The following PPP1R21 variants were observed in gnomAD, a reference collection of about 807,000 sequenced individuals.
The protein encoded by PPP1R21 is protein phosphatase 1 regulatory subunit 21, also known as KLRAQ motif containing 1.
A neutral mutation model predicts 112.8 loss-of-function variants in PPP1R21; 85 were observed. That is an observed-to-expected ratio of 0.75 (90% CI 0.63 to 0.90). The LOEUF (loss-of-function observed/expected upper bound fraction) is 0.90. Ranked by LOEUF, PPP1R21 falls within the 40% of genes least tolerant of loss-of-function variation. PPP1R21 has a pLI of 0.00. For missense variants in PPP1R21, 1,199 were observed against 901.5 expected, an observed-to-expected ratio of 1.33 and a Z score of -4.23; for synonymous variants, 381 against 322.3, an observed-to-expected ratio of 1.18 and a Z score of -1.95.
chr2:48,465,625 T>A lies in PPP1R21; in HGVS notation c.880T>A (p.Ser294Thr). 6.2e-7 allele frequency: 1 copy of A among 1,612,052 alleles called. No homozygotes were observed. The highest frequency in any genetic ancestry group is 2.2e-5 in the East Asian group (1 of 44,864). ...TGTTGATTCTGCCATTGACACTATA[T>A]CTCCATTGAATCAGAAGGTAAATTT... ...FPVDSAIDTI[S>T]PLNQKFSQYL... Residue 294 changes from serine to threonine, a missense_variant, in exon 9 of 22, where the codon TCT (serine) becomes ACT (threonine). Transcript: ENST00000294952.
intron 1 of PPP1R21, among the ~76,000 whole-genome samples, chr2:48,449,877 C>A (rs1047679122): frequency 6.6e-6 from 1 of 151,736 alleles, no homozygotes; most frequent in African/African-American, 2.4e-5. Context: ...AGTCTGTAAA[C>A]CTTTTGCTTC....
chr2:48,446,583 TTTGA>T (rs2103737879), intron 1 of PPP1R21, among the ~76,000 whole-genome samples: 1 of 152,316 alleles, frequency 6.6e-6, no homozygotes, highest in East Asian at 1.9e-4. Flanking sequence ...ATTAATTTGA[TTTGA>T]TTAATTTGAT....
chr2:48,444,861 CTT>C (rs397944972), intron 1 of PPP1R21, among the ~76,000 whole-genome samples: 53 of 136,988 alleles, frequency 3.9e-4, no homozygotes, highest in Admixed American at 4.4e-4. Flanking sequence ...TTTTAAAGTT[CTT>C]TTTTTTTTTT....
intron 4 of PPP1R21, among the ~76,000 whole-genome samples, chr2:48,459,496 T>G (rs1667884154): frequency 6.6e-6 from 1 of 152,312 alleles, no homozygotes; most frequent in South Asian, 2.1e-4. Context: ...CAAATCTCAG[T>G]TCTACTATAT....
chr2:48,458,022 C>G (rs745750767), intron 3 of PPP1R21, 104 bp from the exon 4 acceptor site: 2 of 772,232 alleles, frequency 2.6e-6, no homozygotes, highest in South Asian at 2.7e-5. Flanking sequence ...GAATGGTGAA[C>G]ACATAGAAGA....
At chr2:48,483,335 C>T (rs978104949) in intron 13 of PPP1R21, among the ~76,000 whole-genome samples, 1 of 151,420 alleles carries the variant, frequency 6.6e-6, no homozygotes, top group Admixed American at 6.6e-5. Flanking sequence ...GTGTGCGTCA[C>T]CATGCCGGCT....
intron 15 of PPP1R21, among the ~76,000 whole-genome samples, chr2:48,495,123 T>C (rs1463006700): frequency 6.6e-6 from 1 of 152,262 alleles, no homozygotes; most frequent in African/African-American, 2.4e-5. Flanking sequence ...AATGCATTGC[T>C]TTTGCACCAT....
chr2:48,465,454 T>A (rs908795607), intron 8 of PPP1R21, 39 bp from the exon 9 acceptor site: 16 of 1,566,810 alleles, frequency 1.0e-5, no homozygotes, highest in Non-Finnish European at 1.3e-5. Context: ...GGATAATAAT[T>A]TGAGAGTTGA....
At chr2:48,512,360 G>A (rs1042452653) in intron 21 of PPP1R21, among the ~76,000 whole-genome samples, 2 of 147,410 alleles carry the variant, frequency 1.4e-5, no homozygotes, top group Non-Finnish European at 2.9e-5. Context: ...GGCTCACTTA[G>A]TTGGCATCAT....
At chr2:48,512,244 T>G (rs1451175674) in intron 21 of PPP1R21, among the ~76,000 whole-genome samples, 1 of 152,212 alleles carries the variant, frequency 6.6e-6, no homozygotes, top group Non-Finnish European at 1.5e-5. Context: ...ATAGTAGATG[T>G]TGGGCAATAT....
intron 12 of PPP1R21, among the ~76,000 whole-genome samples, chr2:48,476,537 A>G (rs561220133): frequency 2.6e-5 from 4 of 152,280 alleles, no homozygotes; most frequent in East Asian, 1.9e-4. Flanking sequence ...AGTGTTTTAC[A>G]AAGTGCTGTA....
chr2:48,456,733 A>G (rs1391865061), intron 3 of PPP1R21, among the ~76,000 whole-genome samples: 2 of 152,202 alleles, frequency 1.3e-5, no homozygotes, highest in African/African-American at 2.4e-5. Flanking sequence ...CTTATGTATT[A>G]GAATCACTTG....
rs930853181 is a variant in PPP1R21, at chr2:48,489,880, C to T, written c.1447-1138C>T. Reference sequence around the variant, plus strand: ...CCAACATGGTGAAACCCCGTCTCTACTAAAAGTACAAAAATTAGCTGGGAC... The same window carrying T: ...CCAACATGGTGAAACCCCGTCTCTATTAAAAGTACAAAAATTAGCTGGGAC... On this transcript the variant is annotated intron_variant, in intron 14 of 21. Transcript: ENST00000294952. Among the ~76,000 whole-genome samples, 22 of 151,974 alleles carry T rather than the reference C, an allele frequency of 1.4e-4. 1 individual carries two copies. Among genetic ancestry groups the T allele is most frequent in the Admixed American group, 7.9e-4 (12 of 15,258 alleles).
intron 12 of PPP1R21, among the ~76,000 whole-genome samples, chr2:48,478,986 G>C (rs1256088644): frequency 6.6e-6 from 1 of 152,158 alleles, no homozygotes; most frequent in Non-Finnish European, 1.5e-5. Flanking sequence ...CCCCTTGTTA[G>C]AAACTGCGCC....
At chr2:48,504,618 G>A (rs1229104455) in intron 17 of PPP1R21, among the ~76,000 whole-genome samples, 1 of 152,116 alleles carries the variant, frequency 6.6e-6, no homozygotes, top group East Asian at 1.9e-4. Flanking sequence ...TCCAGCCTGG[G>A]CAACAGGGTG....
In PPP1R21 at chr2:48,458,148, A is replaced by G. The variant is rs750200929; in HGVS notation, c.296A>G (p.Gln99Arg). ...CAGAAAAGTGGAGAATCTTCTTCTC[A>G]GTTGAGTCAAGAGCAGAAGAGTGTC... The part of the protein sequence containing the change: ...KNKKSGESSS[Q>R]LSQEQKSVFD... The change falls in exon 4 of 22, where the codon CAG becomes CGG. Residue 99 changes from glutamine to arginine, a missense_variant. By Grantham distance (43) the Gln-to-Arg change is conservative (BLOSUM62 1). Coordinates refer to ENST00000294952, the MANE Select transcript of PPP1R21 (RefSeq NM_001135629.3). 6.2e-7 allele frequency: 1 copy of G among 1,611,242 alleles called. No individual in the cohort carries two copies. Among genetic ancestry groups the G allele is most frequent in the South Asian group, 1.1e-5 (1 of 90,954 alleles).
chr2:48,483,905 C>G (rs1039012315), intron 13 of PPP1R21, among the ~76,000 whole-genome samples: 2 of 151,946 alleles, frequency 1.3e-5, no homozygotes, highest in Non-Finnish European at 2.9e-5. Context: ...CCAGGCTGGT[C>G]TCAAACTCCT....
chr2:48,457,284 A>G (rs989583986), intron 3 of PPP1R21, among the ~76,000 whole-genome samples: 2 of 152,210 alleles, frequency 1.3e-5, no homozygotes, highest in Non-Finnish European at 2.9e-5. Context: ...TTGTTTTCCA[A>G]ACATGATGGA....
At chr2:48,480,910 C>G (rs954228458) in intron 13 of PPP1R21, among the ~76,000 whole-genome samples, 7 of 152,194 alleles carry the variant, frequency 4.6e-5, no homozygotes, top group African/African-American at 7.2e-5. Context: ...CATTCTTAGT[C>G]TCAGCAGTGT....
Sources: gnomAD v4.1 joint callset for allele counts (sites outside exome capture counted in the v4.1 genomes callset) on GRCh38, gnomAD v4.1.1 for gene constraint, MANE v1.5 for transcripts, NCBI Gene and HGNC (gene_info 2026-07-23, HGNC 2026-07-21) for gene names.